Variants in SUGCT observed in about 807,000 individuals in gnomAD.
SUGCT encodes the protein succinyl-CoA:glutarate CoA-transferase.
In SUGCT, 41 loss-of-function variants were observed where a neutral mutation model predicts 55.0. The observed-to-expected ratio is 0.74, with a 90% CI of 0.58 to 0.97. SUGCT has a LOEUF of 0.97. Ranked by LOEUF, SUGCT falls within the 50% of genes least tolerant of loss-of-function variation. The pLI, the probability that SUGCT is intolerant of heterozygous loss-of-function variation, is 0.00. For synonymous variants in SUGCT, 187 were observed against 200.4 expected, an observed-to-expected ratio of 0.93 and a Z score of 0.56; for missense variants, 568 against 547.8, an observed-to-expected ratio of 1.04 and a Z score of -0.37.
At chr7:40,302,968 A>G (rs1794625882) in intron 8 of SUGCT, among the ~76,000 whole-genome samples, 1 of 151,966 alleles carries the variant, frequency 6.6e-6, no homozygotes, top group South Asian at 2.1e-4. Flanking sequence ...TTAAATAAAT[A>G]CCCCTTCCCC....
chr7:40,999,512 T>G, the SUGCT span, among the ~76,000 whole-genome samples: 7 of 152,180 alleles, frequency 4.6e-5, no homozygotes, highest in African/African-American at 1.7e-4. Flanking sequence ...TTATATGACT[T>G]CGTGTTTGCA....
At chr7:40,963,259 G>C in the SUGCT span, among the ~76,000 whole-genome samples, 1 of 152,042 alleles carries the variant, frequency 6.6e-6, no homozygotes, top group Non-Finnish European at 1.5e-5. Flanking sequence ...TCCCCAAGTG[G>C]AGACTATCAT....
At position 40,740,588 on chromosome 7, in the gene SUGCT, C is replaced by A. The variant is rs937464465; in HGVS notation, c.1090-8846C>A. ...ATTTTTATTATTATTTTTTTCCTTG[C>A]CTCATTTTCAATCTTAGAGGAAAAG... On this transcript the variant is annotated intron_variant, in intron 12 of 13. Coordinates refer to ENST00000335693, the MANE Select transcript of SUGCT (RefSeq NM_001193313.2). Among the ~76,000 whole-genome samples, 6 of 146,662 alleles carry A rather than the reference C, an allele frequency of 4.1e-5. No individual in the cohort carries two copies. The East Asian group carries it at 1.2e-3, about 29-fold the overall frequency.
At chr7:40,960,848 C>T in the SUGCT span, among the ~76,000 whole-genome samples, 3 of 152,152 alleles carry the variant, frequency 2.0e-5, no homozygotes. Context: ...AAAGTTAATG[C>T]ATTAGTCCAC....
intron 11 of SUGCT, among the ~76,000 whole-genome samples, chr7:40,493,849 G>A (rs1468598824): frequency 6.6e-6 from 1 of 152,144 alleles, no homozygotes; most frequent in East Asian, 1.9e-4. Flanking sequence ...TTTAGATCAA[G>A]AGATAGATTT....
At chr7:40,696,737 A>G (rs1402028460) in intron 12 of SUGCT, among the ~76,000 whole-genome samples, 1 of 152,210 alleles carries the variant, frequency 6.6e-6, no homozygotes, top group African/African-American at 2.4e-5. Flanking sequence ...ATTACTTCAT[A>G]AATACATGAA....
At chr7:40,469,775 G>T (rs181109509) in intron 11 of SUGCT, among the ~76,000 whole-genome samples, 213 of 152,102 alleles carry the variant, frequency 1.4e-3, no homozygotes, top group Non-Finnish European at 1.4e-3. Context: ...TTAGGAGGAA[G>T]AATTAGGTGG....
chr7:40,528,462 T>A (rs1161907130), intron 12 of SUGCT, among the ~76,000 whole-genome samples: 1 of 152,212 alleles, frequency 6.6e-6, no homozygotes, highest in Non-Finnish European at 1.5e-5. Context: ...CATTCTTTAT[T>A]ATAGTAATTT....
intron 1 of SUGCT, chr7:40,152,637 G>A (rs1788634500): frequency 5.4e-6 from 1 of 186,682 alleles, no homozygotes. Context: ...AAATTCTAAA[G>A]GATTTTGAAG....
intron 9 of SUGCT, among the ~76,000 whole-genome samples, chr7:40,358,809 A>C (rs186037978): frequency 6.6e-6 from 1 of 152,332 alleles, no homozygotes; most frequent in Non-Finnish European, 1.5e-5. Context: ...TTAAAACCAA[A>C]GAAGCTAGTA....
chr7:40,666,416 T>G (rs1801642693), intron 12 of SUGCT, among the ~76,000 whole-genome samples: 1 of 134,484 alleles, frequency 7.4e-6, no homozygotes, highest in Non-Finnish European at 1.5e-5. Context: ...GGGTTATAGG[T>G]TAGTTTTTTT....
chr7:40,529,001 G>A (rs1437753471), intron 12 of SUGCT, among the ~76,000 whole-genome samples: 4 of 152,282 alleles, frequency 2.6e-5, no homozygotes, highest in African/African-American at 9.6e-5. Flanking sequence ...TCGATATGGG[G>A]ATCTTATAGC....
chr7:40,565,967 TCACACACA>T (rs377518526), intron 12 of SUGCT, among the ~76,000 whole-genome samples: 3 of 134,694 alleles, frequency 2.2e-5, no homozygotes, highest in Non-Finnish European at 3.2e-5. Flanking sequence ...ACCTGGCATA[TCACACACA>T]CACACACACA....
chr7:40,824,064 T>C (rs565621870), intron 13 of SUGCT, among the ~76,000 whole-genome samples: 105 of 152,236 alleles, frequency 6.9e-4, no homozygotes, highest in African/African-American at 2.4e-3. Context: ...TTAGGGAAAG[T>C]GGAAGTCAGA....
At chr7:40,441,333 G>A (rs1167093873) in intron 9 of SUGCT, among the ~76,000 whole-genome samples, 1 of 152,058 alleles carries the variant, frequency 6.6e-6, no homozygotes, top group Non-Finnish European at 1.5e-5. Flanking sequence ...TATCCTCCAG[G>A]CCTTACTGGG....
chr7:40,211,556 T>C (rs1195894416), intron 6 of SUGCT, among the ~76,000 whole-genome samples: 1 of 152,134 alleles, frequency 6.6e-6, no homozygotes, highest in Non-Finnish European at 1.5e-5. Flanking sequence ...ATGGAGATTA[T>C]TGAATATAAG....
At chr7:40,834,801 A>G (rs1792874981) in intron 13 of SUGCT, among the ~76,000 whole-genome samples, 1 of 152,208 alleles carries the variant, frequency 6.6e-6, no homozygotes, top group South Asian at 2.1e-4. Flanking sequence ...GAAAATAAAA[A>G]TTATTTGCCA....
intron 13 of SUGCT, among the ~76,000 whole-genome samples, chr7:40,772,055 T>C (rs1462937622): frequency 6.6e-6 from 1 of 152,168 alleles, no homozygotes; most frequent in Non-Finnish European, 1.5e-5. Flanking sequence ...TGTCCAAGCA[T>C]AATTATTAAT....
chr7:40,693,763 C>A (rs1254405273), intron 12 of SUGCT, among the ~76,000 whole-genome samples: 2 of 152,196 alleles, frequency 1.3e-5, no homozygotes, highest in Non-Finnish European at 2.9e-5. Context: ...CTCACTGGTG[C>A]ATTAGCTGGT....
Sources: allele counts gnomAD v4.1 joint callset (sites outside exome capture counted in the v4.1 genomes callset), GRCh38; gene constraint gnomAD v4.1.1; transcripts MANE v1.5; gene names NCBI Gene and HGNC (gene_info 2026-07-23, HGNC 2026-07-21).